Variants in PCDHA5 observed in about 807,000 individuals in gnomAD.
The protein encoded by PCDHA5 is protocadherin alpha-5.
A neutral mutation model predicts 61.6 loss-of-function variants in PCDHA5; 43 were observed. That is an observed-to-expected ratio of 0.70 (90% CI 0.55 to 0.90). The LOEUF (loss-of-function observed/expected upper bound fraction) is 0.90, where lower values mean the gene tolerates loss of function less well. Ranked by LOEUF, PCDHA5 falls within the 40% of genes least tolerant of loss-of-function variation. PCDHA5 has a pLI of 0.00. For missense variants in PCDHA5, 1,298 were observed against 1,222.7 expected, an observed-to-expected ratio of 1.06 and a Z score of -0.92; for synonymous variants, 627 against 543.9, an observed-to-expected ratio of 1.15 and a Z score of -2.13.
At chr5:140,966,974 C>T (rs782333304) in intron 1 of PCDHA5, 4 of 1,602,874 alleles carry the variant, frequency 2.5e-6, no homozygotes, top group Non-Finnish European at 3.4e-6. Flanking sequence ...GCTTGAGCTG[C>T]GGCGCTTGGG....
chr5:140,882,346 G>A (rs146510190), intron 1 of PCDHA5: 86 of 1,614,078 alleles, frequency 5.3e-5, no homozygotes, highest in African/African-American at 9.3e-5. Flanking sequence ...CCTGGGAGAC[G>A]GGTAGTGGCC....
At chr5:141,009,217 G>T (rs1554262066) in intron 3 of PCDHA5, among the ~76,000 whole-genome samples, 1 of 152,234 alleles carries the variant, frequency 6.6e-6, no homozygotes, top group African/African-American at 2.4e-5. Flanking sequence ...CACTTTGGGA[G>T]GCCAAGGTGG....
chr5:141,001,370 T>G (rs1187805238), intron 3 of PCDHA5, among the ~76,000 whole-genome samples: 1 of 152,218 alleles, frequency 6.6e-6, no homozygotes, highest in African/African-American at 2.4e-5. Context: ...ACTATTCTGA[T>G]TACAGAGCCT....
chr5:140,838,075 ATAGTGTGTGTGTGTGT>A (rs1457596432), intron 1 of PCDHA5, among the ~76,000 whole-genome samples: 1,771 of 128,230 alleles, frequency 0.014, 43 homozygotes, highest in African/African-American at 0.016. Flanking sequence ...TTATATATAT[ATAGTGTGTGTGTGTGT>A]GTGTGTGTGT....
chr5:140,968,208 AC>A, intron 1 of PCDHA5: 1 of 1,614,022 alleles, frequency 6.2e-7, no homozygotes, highest in Non-Finnish European at 8.5e-7. Context: ...ATACAGGAGA[AC>A]AATTTGCCAG....
intron 1 of PCDHA5, among the ~76,000 whole-genome samples, chr5:140,832,841 G>C (rs1249318622): frequency 2.6e-5 from 4 of 152,146 alleles, no homozygotes; most frequent in African/African-American, 9.6e-5. Context: ...CCTTGTTGAA[G>C]GAGACCGTGA....
At chr5:140,842,023 T>C (rs1777651230) in intron 1 of PCDHA5, 1 of 1,613,718 alleles carries the variant, frequency 6.2e-7, no homozygotes, top group Non-Finnish European at 8.5e-7. Context: ...CAGTGCTGGA[T>C]GTGAATGATA....
intron 3 of PCDHA5, among the ~76,000 whole-genome samples, chr5:140,985,765 A>G (rs2097169846): frequency 7.8e-6 from 1 of 128,516 alleles, no homozygotes; most frequent in African/African-American, 3.0e-5. Flanking sequence ...TTTTTGAGAC[A>G]GTCTCGCTCT....
At chr5:140,952,160 G>A (rs952147312) in intron 1 of PCDHA5, among the ~76,000 whole-genome samples, 1 of 152,044 alleles carries the variant, frequency 6.6e-6, no homozygotes, top group Non-Finnish European at 1.5e-5. Context: ...GGCTTTGTGG[G>A]GTTCAGTTCC....
intron 1 of PCDHA5, chr5:140,851,871 G>A (rs2042184673): frequency 2.0e-6 from 2 of 977,226 alleles, no homozygotes; most frequent in South Asian, 9.5e-5. Context: ...CATAACACAA[G>A]GCAGAAATCT....
intron 1 of PCDHA5, among the ~76,000 whole-genome samples, chr5:140,839,991 G>A (rs1554137668): frequency 1.3e-5 from 2 of 152,072 alleles, no homozygotes; most frequent in Admixed American, 1.3e-4. Flanking sequence ...AAAGTGGTTA[G>A]CCTTAGCACT....
intron 1 of PCDHA5, among the ~76,000 whole-genome samples, chr5:140,978,524 C>G (rs1554239389): frequency 2.0e-5 from 3 of 152,208 alleles, no homozygotes; most frequent in Admixed American, 6.5e-5. Context: ...TCCAGCCAGG[C>G]CAGCAGAACT....
chr5:140,951,966 C>G (rs1554220177), intron 1 of PCDHA5, among the ~76,000 whole-genome samples: 1 of 152,128 alleles, frequency 6.6e-6, no homozygotes, highest in African/African-American at 2.4e-5. Flanking sequence ...GGTAAATACT[C>G]CTGTTCCAAA....
chr5:140,943,751 T>C (rs947548745), intron 1 of PCDHA5, among the ~76,000 whole-genome samples: 1 of 152,048 alleles, frequency 6.6e-6, no homozygotes, highest in South Asian at 2.1e-4. Flanking sequence ...CTAAAAGCAG[T>C]AGGAGATGTA....
chr5:140,946,634 A>ATATAT (rs1554217761), intron 1 of PCDHA5, among the ~76,000 whole-genome samples: 3 of 147,374 alleles, frequency 2.0e-5, no homozygotes, highest in Admixed American at 6.8e-5. Context: ...ATATATATAC[A>ATATAT]ATGGAATACT....
chr5:140,941,284 TTCTC>T (rs1234192371), intron 1 of PCDHA5, among the ~76,000 whole-genome samples: 2 of 124,572 alleles, frequency 1.6e-5, no homozygotes, highest in African/African-American at 2.8e-5. Flanking sequence ...CTTCCTTCCT[TTCTC>T]TTTCTTTCTT....
intron 1 of PCDHA5, chr5:140,967,255 T>G (rs202164321): frequency 2.5e-6 from 4 of 1,613,342 alleles, no homozygotes; most frequent in Non-Finnish European, 3.4e-6. Context: ...CGGTGGCGCC[T>G]GGAGCGCGCT....
chr5:140,988,299 G>A (rs2097291981), intron 3 of PCDHA5, among the ~76,000 whole-genome samples: 2 of 152,218 alleles, frequency 1.3e-5, no homozygotes, highest in Non-Finnish European at 2.9e-5. Context: ...GCCCAGGAGT[G>A]CCAGCTTGGC....
At chr5:140,833,801 A>G (rs146837800) in intron 1 of PCDHA5, among the ~76,000 whole-genome samples, 1 of 152,242 alleles carries the variant, frequency 6.6e-6, no homozygotes, top group South Asian at 2.1e-4. Flanking sequence ...CAATCAGTAG[A>G]TTCTTGAGAT....
Sources: allele counts gnomAD v4.1 joint callset (sites outside exome capture counted in the v4.1 genomes callset), GRCh38; gene constraint gnomAD v4.1.1; transcripts MANE v1.5; gene names NCBI Gene and HGNC (gene_info 2026-07-23, HGNC 2026-07-21).